EBF1: variants seen among roughly 807,000 people sequenced by gnomAD.
EBF1 encodes EBF transcription factor 1, also known as transcription factor COE1.
EBF1 carries 10 observed loss-of-function variants against 68.4 expected under a neutral mutation model. The ratio of observed to expected loss-of-function variants is 0.15; its 90% CI spans 0.09 to 0.25. The LOEUF is 0.25. EBF1 is among the 10% of genes least tolerant of loss of function. EBF1 has a pLI of 1.00. For synonymous variants in EBF1, 298 were observed against 299.8 expected (o/e 0.99, Z 0.06); for missense variants, 509 against 794.4 (o/e 0.64, Z 4.32).
intron 6 of EBF1, among the ~76,000 whole-genome samples, chr5:159,000,101 G>A (rs937137114): frequency 6.6e-6 from 1 of 152,152 alleles, no homozygotes; most frequent in Non-Finnish European, 1.5e-5. Flanking sequence ...TTCATGCCTT[G>A]TGAAAATCAT....
At chr5:158,745,882 ATTCT>A (rs1167949214) in intron 10 of EBF1, among the ~76,000 whole-genome samples, 3 of 152,158 alleles carry the variant, frequency 2.0e-5, no homozygotes, top group Non-Finnish European at 4.4e-5. Context: ...TCAGGCTCTG[ATTCT>A]TTCTTTCACG....
At chr5:158,950,322 A>G (rs1397983432) in intron 6 of EBF1, among the ~76,000 whole-genome samples, 2 of 152,244 alleles carry the variant, frequency 1.3e-5, no homozygotes, top group African/African-American at 4.8e-5. Context: ...CTAAAGTCCT[A>G]GAGTCAGTAG....
intron 10 of EBF1, among the ~76,000 whole-genome samples, chr5:158,773,358 T>C (rs1774291070): frequency 6.6e-6 from 1 of 152,174 alleles, no homozygotes; most frequent in Admixed American, 6.5e-5. Flanking sequence ...CATTTCGAAG[T>C]TAGTTCACAG....
At chr5:158,843,048 T>C (rs1304235641) in intron 6 of EBF1, among the ~76,000 whole-genome samples, 1 of 152,230 alleles carries the variant, frequency 6.6e-6, no homozygotes, top group Non-Finnish European at 1.5e-5. Context: ...TAAATAAGAT[T>C]AATCGAACTA....
At chr5:158,776,917 C>T (rs749894987) in intron 10 of EBF1, among the ~76,000 whole-genome samples, 15 of 152,268 alleles carry the variant, frequency 9.9e-5, no homozygotes, top group Middle Eastern at 3.4e-3. Context: ...TGCCGCAAGG[C>T]GGATCCATGT....
In EBF1 at chr5:158,916,349, C is replaced by T. The variant is rs116470031; in HGVS notation, c.555-76239G>A. Among the ~76,000 whole-genome samples the T allele has an allele frequency of 2.9e-3, 446 of 152,278 alleles. 3 individuals are homozygous for T. The highest frequency in any genetic ancestry group is 5.1e-3 in the Non-Finnish European group (350 of 68,024). On this transcript the variant is annotated intron_variant, in intron 6 of 15. Coordinates refer to ENST00000313708, the MANE Select transcript of EBF1 (RefSeq NM_024007.5). ...ACAATGGGCACTTCTGGGAAAATGGCAGAGTCTTAGCAATCTCCTTTCCAT... is the reference window on the plus strand; with the variant it reads ...ACAATGGGCACTTCTGGGAAAATGGTAGAGTCTTAGCAATCTCCTTTCCAT...
intron 6 of EBF1, among the ~76,000 whole-genome samples, chr5:159,047,316 C>A (rs960654289): frequency 1.9e-4 from 29 of 152,158 alleles, no homozygotes; most frequent in African/African-American, 6.5e-4. Context: ...CAATAAGGAG[C>A]CACTGATGAG....
At chr5:158,795,756 G>A (rs1779507516) in intron 9 of EBF1, among the ~76,000 whole-genome samples, 1 of 152,188 alleles carries the variant, frequency 6.6e-6, no homozygotes, top group Non-Finnish European at 1.5e-5. Context: ...TGCACAATTA[G>A]AACATAGTCA....
At position 159,095,646 on chromosome 5, in the gene EBF1, G is replaced by T. The variant is rs1782463979; in HGVS notation, c.385C>A (p.Arg129Ser). 6.2e-7 allele frequency: 1 copy of T among 1,613,908 alleles called. No homozygotes were observed. The change falls in exon 4 of 16, where the codon CGC becomes AGC. Residue 129 changes from arginine (R) to serine (S), a missense_variant. Transcript: ENST00000313708. ...TGTTTTGTCATGGAGTCAATGAGGC[G>T]CACGTAGAAATCCTGCTCCGTCCTT... ...GIRTEQDFYV[R>S]LIDSMTKQAI...
chr5:158,958,034 GT>G (rs1817483292), intron 6 of EBF1, among the ~76,000 whole-genome samples: 1 of 152,150 alleles, frequency 6.6e-6, no homozygotes, highest in South Asian at 2.1e-4. Flanking sequence ...TCTTGCCTCT[GT>G]AAAAATCCTT....
At chr5:158,843,242 AGAAG>A (rs1198628667) in intron 6 of EBF1, among the ~76,000 whole-genome samples, 1 of 152,202 alleles carries the variant, frequency 6.6e-6, no homozygotes, top group Non-Finnish European at 1.5e-5. Context: ...AGGTTGTGCT[AGAAG>A]GAGCTGTCAG....
intron 7 of EBF1, among the ~76,000 whole-genome samples, chr5:158,828,950 G>C (rs536794130): frequency 2.0e-5 from 3 of 152,172 alleles, no homozygotes; most frequent in African/African-American, 7.2e-5. Context: ...TCTATATACT[G>C]TATGATTCCA....
rs549982516 is a variant in EBF1, at chr5:158,704,997, T to C, written c.1744+2982A>G. Among the ~76,000 whole-genome samples the C allele has an allele frequency of 2.0e-5, 3 of 152,372 alleles. No homozygotes were observed. In the South Asian group the frequency reaches 6.2e-4, roughly 32 times the overall value. The stretch of plus-strand genomic sequence containing the variant: ...CGAGCAAACCAAAAACCATTTTCTT[T>C]CTTTCTGTCTTTCTTTTTGAAATAG... On this transcript the variant is annotated intron_variant, in intron 15 of 15. Coordinates refer to ENST00000313708, the MANE Select transcript of EBF1 (RefSeq NM_024007.5).
Position 158,840,169 on chromosome 5 carries a change from A to C in EBF1, c.555-59T>G, listed in dbSNP as rs979966897. 6 of 1,334,224 alleles carry C rather than the reference A, an allele frequency of 4.5e-6. No homozygotes were observed. The Admixed American group carries it at 1.0e-4, about 23-fold the overall frequency. The allele number at this position is 1,334,224 out of a possible 1,614,324, so 82.6% of individuals were successfully genotyped here. ...CGGTTTCTGACACGGGAGGGAAAAA[A>C]GAGGTAAGTCACCCCTGGGTTGTGC... On this transcript the variant is annotated intron_variant, in intron 6 of 15. Transcript: ENST00000313708.
At chr5:158,975,294 G>T (rs941539820) in intron 6 of EBF1, among the ~76,000 whole-genome samples, 1 of 152,060 alleles carries the variant, frequency 6.6e-6, no homozygotes, top group Admixed American at 6.5e-5. Context: ...ATTTGAATAA[G>T]ACCCCTGAGT....
chr5:158,759,768 CT>C (rs780776283), intron 10 of EBF1, among the ~76,000 whole-genome samples: 10 of 152,068 alleles, frequency 6.6e-5, no homozygotes, highest in African/African-American at 1.9e-4. Flanking sequence ...TCTCTGCCTC[CT>C]TGTGTATTGC....
intron 8 of EBF1, among the ~76,000 whole-genome samples, chr5:158,821,435 G>A (rs1784805327): frequency 6.6e-6 from 1 of 152,144 alleles, no homozygotes. Flanking sequence ...CTTTCTCACT[G>A]GCTTCCCAAG....
At chr5:158,882,075 T>C (rs991106509) in intron 6 of EBF1, among the ~76,000 whole-genome samples, 1 of 152,212 alleles carries the variant, frequency 6.6e-6, no homozygotes, top group Non-Finnish European at 1.5e-5. Context: ...TCAAGGATTA[T>C]TGTTTGCTGA....
intron 6 of EBF1, among the ~76,000 whole-genome samples, chr5:159,058,362 T>G (rs1775167116): frequency 6.6e-6 from 1 of 152,194 alleles, no homozygotes; most frequent in African/African-American, 2.4e-5. Flanking sequence ...CAGAGCTAGC[T>G]TAATAAGCTG....
Sources: allele counts gnomAD v4.1 joint callset (sites outside exome capture counted in the v4.1 genomes callset), GRCh38; gene constraint gnomAD v4.1.1; transcripts MANE v1.5; gene names NCBI Gene and HGNC (gene_info 2026-07-23, HGNC 2026-07-21).